The following PLEKHG4B variants were observed in gnomAD, a reference collection of about 807,000 sequenced individuals.
The protein encoded by PLEKHG4B is pleckstrin homology and RhoGEF domain containing G4B.
In PLEKHG4B, 111 loss-of-function variants were observed where a neutral mutation model predicts 121.3. The ratio of observed to expected loss-of-function variants is 0.92; its 90% confidence interval spans 0.78 to 1.07. The LOEUF (loss-of-function observed/expected upper bound fraction) is 1.07. PLEKHG4B is among the 50% of genes least tolerant of loss of function. The pLI, the probability that PLEKHG4B is intolerant of heterozygous loss-of-function variation, is 0.00. For missense variants in PLEKHG4B, 1,831 were observed against 1,757.8 expected (o/e 1.04, Z -0.74); for synonymous variants, 738 against 725.0 (o/e 1.02, Z -0.29).
In PLEKHG4B at chr5:140,586, G is replaced by T; in HGVS notation, c.1347G>T (p.Gly449=). 6.2e-7 allele frequency: 1 copy of T among 1,609,694 alleles called. No homozygotes were observed. Among genetic ancestry groups the T allele is most frequent in the East Asian group, 2.2e-5 (1 of 44,788 alleles). Residue 449 remains glycine (G), a synonymous_variant, in exon 3 of 20, where the codon GGG becomes GGT. Coordinates refer to ENST00000637938, the MANE Select transcript of PLEKHG4B (RefSeq NM_052909.5). ...SWERAPRSSR[G]AQAAACHTSH... is the part of the protein sequence containing the mutation. ...AAAGGGCACCCAGAAGCTCCAGAGG[G>T]GCCCAGGCTGCAGCCTGCCACACCT...
rs1409132263 is a variant in PLEKHG4B at position 187,551 on chromosome 5, C to A, written c.*5228C>A. ...TTCTTCCCTGTGGTCAGAACAAAAC[C>A]CCCAAGCCTCAGGCCTCAGGCTGGT... On this transcript the variant is annotated 3_prime_UTR_variant, in exon 20 of 20. Coordinates refer to ENST00000637938, the MANE Select transcript of PLEKHG4B (RefSeq NM_052909.5). 1 of 152,334 alleles carries A rather than the reference C, an allele frequency of 6.6e-6. No individual in the cohort carries two copies. The highest frequency in any genetic ancestry group is 1.5e-5 in the Non-Finnish European group (1 of 68,136). The allele number at this position is 152,334 out of a possible 1,614,324, so 9.4% of individuals were successfully genotyped here.
chr5:167,844 C>G (rs1736403759), intron 13 of PLEKHG4B, among the ~76,000 whole-genome samples: 1 of 152,238 alleles, frequency 6.6e-6, no homozygotes, highest in Non-Finnish European at 1.5e-5. Flanking sequence ...CCTAAGCGTC[C>G]TGCATTTGTT....
At chr5:167,815 C>T (rs1290583653) in intron 13 of PLEKHG4B, among the ~76,000 whole-genome samples, 2 of 152,264 alleles carry the variant, frequency 1.3e-5, no homozygotes, top group African/African-American at 4.8e-5. Flanking sequence ...CCAGCCAGCT[C>T]ATGAAACAGA....
chr5:167,730 G>A (rs948211865), intron 13 of PLEKHG4B, among the ~76,000 whole-genome samples: 2 of 152,208 alleles, frequency 1.3e-5, no homozygotes, highest in Admixed American at 6.5e-5. Context: ...TCATGCTGCC[G>A]GAGTGTGGGC....
At chr5:115,305 A>G (rs559951042) in intron 2 of PLEKHG4B, among the ~76,000 whole-genome samples, 1 of 152,202 alleles carries the variant, frequency 6.6e-6, no homozygotes, top group Non-Finnish European at 1.5e-5. Flanking sequence ...TAAAATATCG[A>G]GTAAACCATG....
chr5:148,344 CAAA>C (rs71590513), intron 6 of PLEKHG4B, among the ~76,000 whole-genome samples: 8 of 94,396 alleles, frequency 8.5e-5, no homozygotes, highest in African/African-American at 2.7e-4. Flanking sequence ...AACAGTTCCA[CAAA>C]AAAAAAAAAA....
At chr5:141,881 C>T (rs964814587) in intron 3 of PLEKHG4B, among the ~76,000 whole-genome samples, 5 of 152,168 alleles carry the variant, frequency 3.3e-5, no homozygotes, top group African/African-American at 7.2e-5. Flanking sequence ...GCTCCCCCCG[C>T]GGTGCCTGGA....
rs186534081 is a variant in PLEKHG4B at position 162,012 on chromosome 5, C to T, written c.2649+68C>T. 293 of 1,499,176 alleles carry T rather than the reference C, an allele frequency of 2.0e-4. No individual in the cohort carries two copies. In the East Asian group the frequency reaches 6.0e-3, roughly 30 times the overall value. The allele number at this position is 1,499,176 out of a possible 1,614,324, so 92.9% of individuals were successfully genotyped here. On this transcript the variant is annotated intron_variant, in intron 12 of 19. Transcript: ENST00000637938. ...TTAGGCTGTGGACATCTAGCAAGTG[C>T]CTCCCCTCACAAGCTGGAGTGGGCC...
intron 2 of PLEKHG4B, among the ~76,000 whole-genome samples, chr5:122,090 A>G (rs2126369702): frequency 6.6e-6 from 1 of 152,324 alleles, no homozygotes; most frequent in African/African-American, 2.4e-5. Flanking sequence ...ATTTTAAAAT[A>G]TTAATTGAAG....
At position 119,091 on chromosome 5, in the gene PLEKHG4B, C is replaced by T. The variant is rs1050075494; in HGVS notation, c.243+5643C>T. ...CCCAGGCTGGTCTCAAACTCCTGGG[C>T]TTAAGTGATCCTCCTGCCTCAGCCT... On this transcript the variant is annotated intron_variant, in intron 2 of 19. Transcript: ENST00000637938. 2.0e-5 allele frequency among the ~76,000 whole-genome samples: 3 copies of T among 152,048 alleles called. No individual in the cohort carries two copies. The East Asian group carries it at 5.8e-4, about 29-fold the overall frequency.
chr5:151,093 ATTT>A (rs2126418312), intron 6 of PLEKHG4B, among the ~76,000 whole-genome samples: 1 of 152,312 alleles, frequency 6.6e-6, no homozygotes, highest in East Asian at 1.9e-4. Flanking sequence ...GCCTGAGTCT[ATTT>A]ATGTCTAGAA....
chr5:165,606 G>C (rs71583041), intron 13 of PLEKHG4B, among the ~76,000 whole-genome samples: 3 of 36,286 alleles, frequency 8.3e-5, no homozygotes, highest in Admixed American at 4.4e-4. Context: ...TCACACTAAT[G>C]CTCTGACGGG....
At chr5:130,061 AAG>A (rs754535739) in intron 2 of PLEKHG4B, among the ~76,000 whole-genome samples, 4 of 150,354 alleles carry the variant, frequency 2.7e-5, no homozygotes, top group Non-Finnish European at 5.9e-5. Context: ...AGTGAATATG[AAG>A]AGAGAGTGAG....
intron 7 of PLEKHG4B, among the ~76,000 whole-genome samples, chr5:152,916 A>G (rs1735651703): frequency 6.6e-6 from 1 of 152,116 alleles, no homozygotes. Context: ...ACCATGTAAG[A>G]TGTGTCTTGC....
chr5:103,401 G>T (rs1733880407), intron 1 of PLEKHG4B, among the ~76,000 whole-genome samples: 1 of 152,136 alleles, frequency 6.6e-6, no homozygotes, highest in Non-Finnish European at 1.5e-5. Context: ...CACTCTGGGA[G>T]AAGAGGAGAT....
intron 3 of PLEKHG4B, among the ~76,000 whole-genome samples, chr5:141,508 C>T (rs1185245476): frequency 2.0e-5 from 3 of 150,890 alleles, no homozygotes; most frequent in Non-Finnish European, 4.4e-5. Context: ...ATCTCCCTCT[C>T]CTTGCTCTTG....
chr5:180,031 A>C (rs1176426398), intron 18 of PLEKHG4B, among the ~76,000 whole-genome samples: 1 of 152,146 alleles, frequency 6.6e-6, no homozygotes, highest in Non-Finnish European at 1.5e-5. Context: ...TGAGACGTCC[A>C]AACCTTTATC....
At chr5:168,537 C>T (rs1377428731) in intron 13 of PLEKHG4B, among the ~76,000 whole-genome samples, 1 of 152,130 alleles carries the variant, frequency 6.6e-6, no homozygotes, top group Admixed American at 6.5e-5. Context: ...CACAGCCTTC[C>T]TTAGCAGAAG....
chr5:110,032 CCACA>C (rs756901535), intron 1 of PLEKHG4B, among the ~76,000 whole-genome samples: 152 of 147,294 alleles, frequency 1.0e-3, no homozygotes, highest in Non-Finnish European at 1.0e-3. Flanking sequence ...GTGCACACAC[CCACA>C]CAATCTGCAA....
Sources: gnomAD v4.1 joint callset for allele counts (sites outside exome capture counted in the v4.1 genomes callset) on GRCh38, gnomAD v4.1.1 for gene constraint, MANE v1.5 for transcripts, NCBI Gene and HGNC (gene_info 2026-07-23, HGNC 2026-07-21) for gene names.